The following AHI1 variants were observed in gnomAD, a reference collection of about 807,000 sequenced individuals.
The protein encoded by AHI1 is Abelson helper integration site 1, also known as jouberin.
A neutral mutation model predicts 149.3 loss-of-function variants in AHI1; 123 were observed. The observed-to-expected ratio is 0.82, with a 90% confidence interval of 0.71 to 0.96. The LOEUF (loss-of-function observed/expected upper bound fraction) is 0.96. AHI1 is among the 40% of genes least tolerant of loss of function. The probability of loss-of-function intolerance (pLI) is 0.00; values close to 1 mark genes in which losing one functional copy is unlikely to be tolerated. For synonymous variants in AHI1, 475 were observed against 459.8 expected (o/e 1.03, Z -0.42); for missense variants, 1,439 against 1,422.7 (o/e 1.01, Z -0.18).
intron 13 of AHI1, among the ~76,000 whole-genome samples, chr6:135,444,148 G>C (rs1029459647): frequency 1.3e-5 from 2 of 152,068 alleles, no homozygotes; most frequent in Non-Finnish European, 2.9e-5. Flanking sequence ...AATCATGCTG[G>C]TTCCTACTTT....
intron 11 of AHI1, among the ~76,000 whole-genome samples, chr6:135,449,991 A>T (rs1583290309): frequency 6.6e-6 from 1 of 152,316 alleles, no homozygotes; most frequent in South Asian, 2.1e-4. Flanking sequence ...ACGGATACTC[A>T]GTTTGGAGGA....
intron 3 of AHI1, chr6:135,492,788 A>C (rs1432907813): frequency 1.0e-6 from 1 of 985,220 alleles, no homozygotes; most frequent in African/African-American, 1.7e-5. Context: ...AAATATTTGC[A>C]CCATCTTTCT....
chr6:135,291,114 A>C (rs1450690486), intron 27 of AHI1, among the ~76,000 whole-genome samples: 3 of 152,194 alleles, frequency 2.0e-5, no homozygotes, highest in Non-Finnish European at 4.4e-5. Flanking sequence ...AATGCACTTT[A>C]TATTAGGAGA....
intron 24 of AHI1, among the ~76,000 whole-genome samples, chr6:135,349,421 C>T (rs1422833039): frequency 6.6e-6 from 1 of 152,224 alleles, no homozygotes; most frequent in Non-Finnish European, 1.5e-5. Flanking sequence ...GTTCTCCAAC[C>T]CATCTGCTGG....
intron 22 of AHI1, among the ~76,000 whole-genome samples, chr6:135,395,852 C>A (rs559046116): frequency 8.4e-6 from 1 of 119,124 alleles, no homozygotes; most frequent in Admixed American, 9.3e-5. Flanking sequence ...TAAAACAGCC[C>A]CTTTCCCATT....
chr6:135,364,953 G>C (rs1488963397), intron 23 of AHI1, among the ~76,000 whole-genome samples: 1 of 152,102 alleles, frequency 6.6e-6, no homozygotes, highest in African/African-American at 2.4e-5. Context: ...GGGAGAGGGA[G>C]TGGGAGCGGG....
At chr6:135,379,992 C>G (rs1776484657) in intron 23 of AHI1, among the ~76,000 whole-genome samples, 1 of 114,556 alleles carries the variant, frequency 8.7e-6, no homozygotes, top group Non-Finnish European at 1.8e-5. Context: ...CTCTCCCTCC[C>G]TCCCCTTCCC....
chr6:135,326,723 G>C (rs1029258503), intron 24 of AHI1, among the ~76,000 whole-genome samples: 2 of 151,670 alleles, frequency 1.3e-5, no homozygotes, highest in Non-Finnish European at 2.9e-5. Flanking sequence ...ACCATGCTCA[G>C]CCAATTTTTG....
Position 135,437,591 on chromosome 6 carries a change from C to T in AHI1, c.2036+784G>A, listed in dbSNP as rs558600024. ...AGATCAGTAGAAGAAGTGGTCTGAA[C>T]ACTAAAAGTAACACGAAGTGTTAAG... On this transcript the variant is annotated intron_variant, in intron 15 of 28. Transcript: ENST00000265602. Among the ~76,000 whole-genome samples, 10 of 152,262 alleles carry T rather than the reference C, an allele frequency of 6.6e-5. No individual in the cohort carries two copies. The South Asian group carries it at 1.0e-3, about 16-fold the overall frequency.
At chr6:135,361,645 TCACACACACACACACACA>T (rs57786531) in intron 23 of AHI1, among the ~76,000 whole-genome samples, 73 of 133,902 alleles carry the variant, frequency 5.5e-4, no homozygotes, top group African/African-American at 1.0e-3. Context: ...AGGTATGGTT[TCACACACACACACACACA>T]CACACACACA....
At chr6:135,346,565 G>C (rs926374885) in intron 24 of AHI1, among the ~76,000 whole-genome samples, 1 of 152,046 alleles carries the variant, frequency 6.6e-6, no homozygotes, top group Non-Finnish European at 1.5e-5. Flanking sequence ...GGATTATAAA[G>C]ATTTTTTTTC....
chr6:135,370,347 ACT>A (rs1463123440), intron 23 of AHI1, among the ~76,000 whole-genome samples: 2 of 151,900 alleles, frequency 1.3e-5, no homozygotes, highest in African/African-American at 4.8e-5. Context: ...GATTATGGGA[ACT>A]CTCTCTGCCT....
rs2128350999 is a variant in AHI1, at chr6:135,300,544, C to T, written c.3441G>A (p.Lys1147=). The T allele has an allele frequency of 6.2e-7, 1 of 1,607,522 alleles. No homozygotes were observed. ...SPAPQKQSIN[K]NKSQDFRLGS... ...CTAGTCTGAAGTCCTGGGACTTGTTCTTATTGATTGATTGCTGTGGAAGAA... is the reference window on the plus strand; with the variant it reads ...CTAGTCTGAAGTCCTGGGACTTGTTTTTATTGATTGATTGCTGTGGAAGAA... The change falls in exon 27 of 29, where the codon AAG becomes AAA. Residue 1147 remains lysine, a synonymous_variant. Transcript: ENST00000265602.
chr6:135,458,491 G>T (rs1789330435), intron 8 of AHI1, among the ~76,000 whole-genome samples: 1 of 152,196 alleles, frequency 6.6e-6, no homozygotes, highest in Admixed American at 6.5e-5. Flanking sequence ...AGCAGACCAT[G>T]ATCTGCCAGG....
intron 23 of AHI1, among the ~76,000 whole-genome samples, chr6:135,393,758 C>T (rs1778841573): frequency 6.6e-6 from 1 of 152,028 alleles, no homozygotes; most frequent in Non-Finnish European, 1.5e-5. Flanking sequence ...ATTCACATAG[C>T]ACCTTATGCT....
chr6:135,317,005 C>T (rs1447030923), intron 26 of AHI1, among the ~76,000 whole-genome samples: 1 of 152,044 alleles, frequency 6.6e-6, no homozygotes, highest in African/African-American at 2.4e-5. Flanking sequence ...TGTCTAAGAC[C>T]CTTAGCAAAA....
intron 11 of AHI1, among the ~76,000 whole-genome samples, chr6:135,453,063 T>A (rs1318781738): frequency 6.6e-6 from 1 of 152,216 alleles, no homozygotes; most frequent in East Asian, 1.9e-4. Context: ...AGAAAAGTCT[T>A]AATATTTTTT....
chr6:135,468,784 C>T (rs181905622), intron 5 of AHI1, among the ~76,000 whole-genome samples: 128 of 152,162 alleles, frequency 8.4e-4, no homozygotes, highest in Admixed American at 1.9e-3. Flanking sequence ...ATACACCCTC[C>T]CAAGACTGAA....
chr6:135,420,880 A>G (rs1213568334), intron 20 of AHI1, among the ~76,000 whole-genome samples: 1 of 152,174 alleles, frequency 6.6e-6, no homozygotes, highest in African/African-American at 2.4e-5. Flanking sequence ...CCTTTGCCCT[A>G]TCTCAGCTTT....
Sources: gnomAD v4.1 joint callset for allele counts (sites outside exome capture counted in the v4.1 genomes callset) on GRCh38, gnomAD v4.1.1 for gene constraint, MANE v1.5 for transcripts, NCBI Gene and HGNC (gene_info 2026-07-23, HGNC 2026-07-21) for gene names.